Variants in LRP2 observed in about 807,000 individuals in gnomAD.
LRP2 encodes the protein LDL receptor related protein 2.
Under a neutral mutation model 531.0 loss-of-function variants are expected in LRP2, and 172 were observed. The observed-to-expected ratio is 0.32, with a 90% CI of 0.29 to 0.37. The LOEUF is 0.37. Ranked by LOEUF, LRP2 falls within the 10% of genes least tolerant of loss-of-function variation. LRP2 has a pLI of 1.00. For synonymous variants in LRP2, 1,992 were observed against 2,027.6 expected (o/e 0.98, Z 0.47); for missense variants, 5,167 against 5,868.3 (o/e 0.88, Z 3.90).
rs757735683 is a variant in LRP2, at chr2:169,193,864, A to T, written c.8727T>A (p.Asp2909Glu). 6.2e-7 allele frequency: 1 copy of T among 1,614,050 alleles called. No homozygotes were observed. The highest frequency in any genetic ancestry group is 8.5e-7 in the Non-Finnish European group (1 of 1,180,008). Residue 2909 changes from aspartate to glutamate, a missense_variant, in exon 47 of 79, where the codon GAT (aspartate) becomes GAA (glutamate). By Grantham distance (45) the Asp-to-Glu change is conservative (BLOSUM62 2). Coordinates refer to ENST00000649046, the MANE Select transcript of LRP2 (RefSeq NM_004525.3). ...ACCTCCCACCATCACACTTGAACTC[A>T]TCAGCTAGGCATGTTCGCTCAGAGT... ...CGHSERTCLA[D>E]EFKCDGGRCI... is the part of the protein sequence containing the mutation.
intron 16 of LRP2, among the ~76,000 whole-genome samples, chr2:169,261,307 T>C (rs1314885100): frequency 1.3e-5 from 2 of 152,004 alleles, no homozygotes; most frequent in Non-Finnish European, 2.9e-5. Context: ...AGGGCTTCAT[T>C]CAGCTAATCC....
intron 1 of LRP2, among the ~76,000 whole-genome samples, chr2:169,328,577 A>G (rs1339768443): frequency 6.6e-6 from 1 of 152,106 alleles, no homozygotes; most frequent in East Asian, 1.9e-4. Flanking sequence ...TTAAATATCC[A>G]TGCAATAACA....
Position 169,175,580 on chromosome 2 carries a change from GT to G in LRP2, c.10572-192del, listed in dbSNP as rs535459549. Among the ~76,000 whole-genome samples the G allele has an allele frequency of 2.0e-5, 3 of 151,980 alleles. No individual in the cohort carries two copies. The East Asian group carries it at 5.8e-4, about 29-fold the overall frequency. ...AACATAACTTGGCAAGATAGAACAG[GT>G]TTCTTAAGATCCAAATACAAACTGA... On this transcript the variant is annotated intron_variant, in intron 54 of 78. Transcript: ENST00000649046.
At chr2:169,287,977 C>T (rs1232120224) in intron 9 of LRP2, among the ~76,000 whole-genome samples, 1 of 151,982 alleles carries the variant, frequency 6.6e-6, no homozygotes, top group Non-Finnish European at 1.5e-5. Flanking sequence ...GAATACCTCA[C>T]ATTTCTAAGG....
At chr2:169,180,220 A>G (rs1307612031) in intron 52 of LRP2, among the ~76,000 whole-genome samples, 1 of 152,214 alleles carries the variant, frequency 6.6e-6, no homozygotes, top group Non-Finnish European at 1.5e-5. Flanking sequence ...TGATGCTTCT[A>G]CTAATTCAAT....
intron 17 of LRP2, 27 bp downstream of exon 17, chr2:169,258,998 C>T (rs1483266809): frequency 6.2e-7 from 1 of 1,607,154 alleles, no homozygotes; most frequent in South Asian, 1.1e-5. Flanking sequence ...CAGTTTCAAG[C>T]TCTTAGGAAA....
chr2:169,214,654 G>A (rs1315148508), intron 35 of LRP2, among the ~76,000 whole-genome samples: 1 of 152,160 alleles, frequency 6.6e-6, no homozygotes, highest in Non-Finnish European at 1.5e-5. Context: ...AGAAACATGA[G>A]CCTGGAGGAG....
chr2:169,354,519 G>T (rs544571889), intron 1 of LRP2, among the ~76,000 whole-genome samples: 2 of 152,250 alleles, frequency 1.3e-5, no homozygotes, highest in East Asian at 3.9e-4. Context: ...GAGGGCTAAT[G>T]ACCAAAAGTG....
chr2:169,246,853 C>T lies in LRP2; in HGVS notation c.3042G>A (p.Glu1014=). 6.2e-7 allele frequency: 1 copy of T among 1,614,188 alleles called. No individual in the cohort carries two copies. The highest frequency in any genetic ancestry group is 8.5e-7 in the Non-Finnish European group (1 of 1,180,048). The change falls in exon 21 of 79, where the codon GAG becomes GAA. Residue 1014 remains glutamate, a synonymous_variant. Coordinates refer to ENST00000649046, the MANE Select transcript of LRP2 (RefSeq NM_004525.3). ...MRLASNHLTC[E]GDPTNEPPTE... ...TGGGTGGTTCATTGGTTGGGTCCCC[C>T]TCGCATGTCAAGTGATTGGAAGCCA...
chr2:169,272,943 A>G lies in LRP2; in HGVS notation c.2100T>C (p.Asp700=), dbSNP rs1683456575. ...KCTFGFQLDT[D]ERHCIAVQNF... ...ACTTCTTACCAATGCAGTGGCGCTC[A>G]TCTGTATCCAGTTGGAAGCCGAATG... The change falls in exon 15 of 79, where the codon GAT becomes GAC. Residue 700 remains aspartate, a synonymous_variant. Coordinates refer to ENST00000649046, the MANE Select transcript of LRP2 (RefSeq NM_004525.3). 1 of 1,613,712 alleles carries G rather than the reference A, an allele frequency of 6.2e-7. No individual in the cohort carries two copies. The highest frequency in any genetic ancestry group is 1.3e-5 in the African/African-American group (1 of 75,012).
At chr2:169,143,516 G>A (rs528248410) in intron 70 of LRP2, among the ~76,000 whole-genome samples, 24 of 152,088 alleles carry the variant, frequency 1.6e-4, no homozygotes, top group Non-Finnish European at 3.1e-4. Context: ...CGTGGTGGCG[G>A]GCACCTGTAG....
rs1383362602 is a variant in LRP2, at chr2:169,185,738, T to G, written c.9610A>C (p.Ser3204Arg). 1 of 1,613,692 alleles carries G rather than the reference T, an allele frequency of 6.2e-7. No homozygotes were observed. The highest frequency in any genetic ancestry group is 8.5e-7 in the Non-Finnish European group (1 of 1,179,994). The change falls in exon 50 of 79, where the codon AGC (serine) becomes CGC (arginine). Residue 3204 changes from serine (S) to arginine (R), a missense_variant. By Grantham distance (110) the Ser-to-Arg change is moderately radical. This residue lies in a region of LRP2 where 1,129 missense variants were observed against 1,362.7 expected (regional missense o/e 0.83). Transcript: ENST00000649046. The stretch of plus-strand genomic sequence containing the variant: ...AAATTTCTCAAATAGTAACGGTTGC[T>G]AAAAATGAGATAGGGTTCGATGTTA... ...NSNIEPYLIF[S>R]NRYYLRNLTI...
At chr2:169,231,646 GTT>G in intron 31 of LRP2, 66 bp downstream of exon 31, 2 of 1,605,572 alleles carry the variant, frequency 1.2e-6, no homozygotes, top group Non-Finnish European at 1.7e-6. Context: ...TGGTTTTAGA[GTT>G]TCCACTGCTT....
chr2:169,337,858 A>G (rs1034461810), intron 1 of LRP2, among the ~76,000 whole-genome samples: 1 of 152,084 alleles, frequency 6.6e-6, no homozygotes, highest in Non-Finnish European at 1.5e-5. Context: ...TATAATCCCA[A>G]CACTTTGGGA....
chr2:169,180,372 C>T (rs1687382540), intron 52 of LRP2, among the ~76,000 whole-genome samples: 1 of 152,196 alleles, frequency 6.6e-6, no homozygotes, highest in South Asian at 2.1e-4. Context: ...TATTGTACTG[C>T]TTCTAATTAA....
In LRP2 at chr2:169,236,086, T is replaced by A. The variant is rs746275407; in HGVS notation, c.4692-18A>T. 1 of 1,569,976 alleles carries A rather than the reference T, an allele frequency of 6.4e-7. No individual in the cohort carries two copies. Among genetic ancestry groups the A allele is most frequent in the Non-Finnish European group, 8.8e-7 (1 of 1,142,218 alleles). On this transcript the variant is annotated intron_variant, in intron 28 of 78. Transcript: ENST00000649046. The stretch of plus-strand genomic sequence containing the variant: ...GATGCTCACTGGGAAAGGAAATGAG[T>A]TACCAATTGGAGGGGACGTATTTAA...
chr2:169,231,120 C>A (rs1402690396), intron 31 of LRP2, among the ~76,000 whole-genome samples: 4 of 151,926 alleles, frequency 2.6e-5, no homozygotes, highest in South Asian at 2.1e-4. Context: ...ATGGCAAAAC[C>A]CGGTCTCTAC....
At chr2:169,274,928 A>T in intron 14 of LRP2, 108 bp downstream of exon 14, 1 of 1,077,172 alleles carries the variant, frequency 9.3e-7, no homozygotes, top group Non-Finnish European at 1.4e-6. Flanking sequence ...ATACTTGAGA[A>T]TGCCACCCAA....
At chr2:169,260,757 T>A (rs1037010131) in intron 16 of LRP2, among the ~76,000 whole-genome samples, 1 of 151,514 alleles carries the variant, frequency 6.6e-6, no homozygotes, top group Admixed American at 6.6e-5. Context: ...TAGATAGTAA[T>A]CAAAGGCAGG....
Sources: gnomAD v4.1 joint callset for allele counts (sites outside exome capture counted in the v4.1 genomes callset) on GRCh38, gnomAD v4.1.1 for gene constraint, gnomAD v4.1.1 regional missense constraint, MANE v1.5 for transcripts, NCBI Gene and HGNC (gene_info 2026-07-23, HGNC 2026-07-21) for gene names.